The following ERC2 variants were observed in gnomAD, a reference collection of about 807,000 sequenced individuals.
The protein encoded by ERC2 is ELKS/RAB6-interacting/CAST family member 2, also known as ERC protein 2.
ERC2 carries 42 observed loss-of-function variants against 114.8 expected under a neutral mutation model. That is an observed-to-expected ratio of 0.37 (90% CI 0.29 to 0.47). ERC2 has a LOEUF of 0.47. ERC2 is among the 20% of genes least tolerant of loss of function. The pLI, the probability that ERC2 is intolerant of heterozygous loss-of-function variation, is 0.99. For synonymous variants in ERC2, 454 were observed against 425.5 expected, an observed-to-expected ratio of 1.07 and a Z score of -0.82; for missense variants, 939 against 1,150.7, an observed-to-expected ratio of 0.82 and a Z score of 2.66.
intron 2 of ERC2, among the ~76,000 whole-genome samples, chr3:56,343,192 T>TACACACACACA (rs2058163813): frequency 7.9e-6 from 1 of 126,130 alleles, no homozygotes; most frequent in Non-Finnish European, 1.6e-5. Flanking sequence ...TCTCTCTCTC[T>TACACACACACA]CACACACACA....
intron 2 of ERC2, among the ~76,000 whole-genome samples, chr3:56,431,958 T>G (rs1301722222): frequency 6.6e-6 from 1 of 152,176 alleles, no homozygotes; most frequent in Non-Finnish European, 1.5e-5. Context: ...CCCTCAAGCA[T>G]TCACACACTC....
At chr3:55,604,062 A>G (rs1417881894) in intron 17 of ERC2, among the ~76,000 whole-genome samples, 2 of 152,204 alleles carry the variant, frequency 1.3e-5, no homozygotes, top group African/African-American at 2.4e-5. Flanking sequence ...CAATGAAAAT[A>G]TATTACACTA....
rs144462156 is a variant in ERC2, at chr3:56,293,076, G to C, written c.1074+2943C>G. 2.1e-4 allele frequency among the ~76,000 whole-genome samples: 32 copies of C among 152,268 alleles called. No individual in the cohort carries two copies. The East Asian group carries it at 6.2e-3, about 29-fold the overall frequency. The stretch of plus-strand genomic sequence containing the variant: ...TTCAATAAGTATTCATCCAACGAAG[G>C]AATGAATGGATGGATTAATGAATGA... On this transcript the variant is annotated intron_variant, in intron 3 of 17. Coordinates refer to ENST00000288221, the MANE Select transcript of ERC2 (RefSeq NM_015576.3).
chr3:56,291,227 A>G (rs1013510874), intron 3 of ERC2, among the ~76,000 whole-genome samples: 1 of 152,242 alleles, frequency 6.6e-6, no homozygotes, highest in East Asian at 1.9e-4. Flanking sequence ...GCTAGAGAAC[A>G]AGGTAAACGT....
At chr3:56,205,171 T>C (rs1223741646) in intron 3 of ERC2, among the ~76,000 whole-genome samples, 2 of 152,184 alleles carry the variant, frequency 1.3e-5, no homozygotes, top group East Asian at 3.9e-4. Context: ...TCTCCTTCAC[T>C]GAAGAAATCA....
At chr3:55,519,592 C>G (rs1366193840) in intron 17 of ERC2, among the ~76,000 whole-genome samples, 1 of 152,148 alleles carries the variant, frequency 6.6e-6, no homozygotes, top group African/African-American at 2.4e-5. Flanking sequence ...GTCCTGAGAC[C>G]CTGGGACCAG....
intron 6 of ERC2, among the ~76,000 whole-genome samples, chr3:56,090,584 AACTTAAAT>A (rs1005960752): frequency 1.6e-4 from 25 of 152,330 alleles, no homozygotes; most frequent in African/African-American, 5.3e-4. Context: ...AAACTCTAAG[AACTTAAAT>A]ACTTAAATAA....
intron 17 of ERC2, among the ~76,000 whole-genome samples, chr3:55,567,089 T>G (rs1170464298): frequency 1.3e-5 from 2 of 152,176 alleles, no homozygotes; most frequent in African/African-American, 4.8e-5. Flanking sequence ...AAGACCATAT[T>G]CTCATAGTAC....
At chr3:55,531,090 T>G (rs2053636632) in intron 17 of ERC2, among the ~76,000 whole-genome samples, 1 of 152,128 alleles carries the variant, frequency 6.6e-6, no homozygotes, top group African/African-American at 2.4e-5. Context: ...GGTTAGATTT[T>G]TGCTTGATAG....
intron 14 of ERC2, among the ~76,000 whole-genome samples, chr3:55,736,738 T>TA (rs937308542): frequency 1.3e-5 from 2 of 152,060 alleles, no homozygotes; most frequent in African/African-American, 2.4e-5. Flanking sequence ...TCCTCTCATT[T>TA]AAAAAAAATT....
intron 14 of ERC2, among the ~76,000 whole-genome samples, chr3:55,754,168 TAAG>T (rs2066901683): frequency 1.1e-5 from 1 of 88,050 alleles, no homozygotes; most frequent in Admixed American, 1.3e-4. Context: ...TCTCTACAGA[TAAG>T]AAAACTATTT....
chr3:56,178,816 A>G (rs1193337804), intron 3 of ERC2, among the ~76,000 whole-genome samples: 1 of 152,140 alleles, frequency 6.6e-6, no homozygotes, highest in Non-Finnish European at 1.5e-5. Context: ...ACTAAACCAC[A>G]TCGTTATAAA....
intron 6 of ERC2, among the ~76,000 whole-genome samples, chr3:56,134,433 A>G (rs2080377833): frequency 6.6e-6 from 1 of 152,196 alleles, no homozygotes; most frequent in Non-Finnish European, 1.5e-5. Flanking sequence ...GTGTTAAATG[A>G]AAAAATGCAT....
intron 2 of ERC2, among the ~76,000 whole-genome samples, chr3:56,423,634 A>G (rs1576891165): frequency 6.6e-6 from 1 of 152,340 alleles, no homozygotes; most frequent in African/African-American, 2.4e-5. Context: ...TTTCCTACTG[A>G]AAAACAAAAT....
chr3:56,442,780 T>C (rs2062379578), intron 1 of ERC2, among the ~76,000 whole-genome samples: 1 of 152,234 alleles, frequency 6.6e-6, no homozygotes, highest in African/African-American at 2.4e-5. Context: ...CACTGAACAC[T>C]TGAATTTACT....
intron 2 of ERC2, among the ~76,000 whole-genome samples, chr3:56,389,791 C>A (rs141772868): frequency 6.6e-6 from 1 of 152,264 alleles, no homozygotes; most frequent in East Asian, 1.9e-4. Flanking sequence ...CCATAGATGT[C>A]ATTCTCTGAG....
intron 14 of ERC2, among the ~76,000 whole-genome samples, chr3:55,831,312 C>G (rs895131903): frequency 2.4e-5 from 3 of 127,364 alleles, no homozygotes; most frequent in Admixed American, 1.7e-4. Flanking sequence ...ATCTGAACTT[C>G]GAAGGAAAGA....
chr3:55,750,262 A>G (rs946096671), intron 14 of ERC2, among the ~76,000 whole-genome samples: 15 of 152,212 alleles, frequency 9.9e-5, no homozygotes, highest in African/African-American at 3.6e-4. Flanking sequence ...GTTAATAATT[A>G]TTATTTTGAT....
chr3:56,040,611 A>AATATAAAGATGTATATGTATATATAC (rs2075104663), intron 7 of ERC2, among the ~76,000 whole-genome samples: 1 of 33,108 alleles, frequency 3.0e-5, no homozygotes, highest in African/African-American at 1.7e-4. Flanking sequence ...ATGTATATAT[A>AATATAAAGATGTATATGTATATATAC]ATATATAGAT....
Sources: allele counts gnomAD v4.1 joint callset (sites outside exome capture counted in the v4.1 genomes callset), GRCh38; gene constraint gnomAD v4.1.1; transcripts MANE v1.5; gene names NCBI Gene and HGNC (gene_info 2026-07-23, HGNC 2026-07-21).